The following CHLSN variants were observed in gnomAD, a reference collection of about 807,000 sequenced individuals.
CHLSN encodes the protein cholesin.
At chr7:1,054,625 G>A in the CHLSN span, among the ~76,000 whole-genome samples, 6 of 152,194 alleles carry the variant, frequency 3.9e-5, no homozygotes, top group Non-Finnish European at 8.8e-5. Context: ...TTGGCCTCAC[G>A]GCGGGGCAGG....
chr7:1,023,676 C>CACACACACACACA, the CHLSN span, among the ~76,000 whole-genome samples: 1 of 112,224 alleles, frequency 8.9e-6, no homozygotes, highest in East Asian at 2.0e-4. This position sits in a 1 kb window ranked among gnomAD's most constrained non-coding sequence, Gnocchi z 5.0. Flanking sequence ...CACACACACA[C>CACACACACACACA]ACCAGCAACG....
the CHLSN span, among the ~76,000 whole-genome samples, chr7:1,111,373 G>A: frequency 2.6e-5 from 4 of 152,214 alleles, no homozygotes; most frequent in Non-Finnish European, 1.5e-5. Context: ...GATGGCAAAG[G>A]TTTTCTCAAA....
At chr7:1,069,710 TC>T in the CHLSN span, among the ~76,000 whole-genome samples, 1 of 79,636 alleles carries the variant, frequency 1.3e-5, no homozygotes, top group Non-Finnish European at 2.4e-5. Context: ...AACCTACACC[TC>T]CCAGCCGCCT....
At chr7:1,085,482 A>C in the CHLSN span, among the ~76,000 whole-genome samples, 3 of 152,070 alleles carry the variant, frequency 2.0e-5, no homozygotes, top group Admixed American at 6.5e-5. Flanking sequence ...AGACGGGGAG[A>C]AGGACAGCCC....
the CHLSN span, among the ~76,000 whole-genome samples, chr7:1,123,043 G>A: frequency 2.6e-5 from 4 of 152,192 alleles, no homozygotes; most frequent in South Asian, 2.1e-4. The surrounding 1 kb of genome is among the most constrained non-coding windows in gnomAD (Gnocchi z 4.4). Context: ...AGGGCCCTCC[G>A]GGATGGGGAG....
chr7:984,386 C>A, the CHLSN span: 1 of 1,543,040 alleles, frequency 6.5e-7, no homozygotes, highest in East Asian at 2.4e-5. Flanking sequence ...GAGGGCTGCC[C>A]GGGTGACCCC....
the CHLSN span, chr7:985,267 T>A: frequency 1.3e-6 from 2 of 1,551,846 alleles, no homozygotes; most frequent in South Asian, 2.4e-5. Flanking sequence ...CGTGTTTGTG[T>A]CCCTGCTGGG....
At chr7:1,073,641 T>G in the CHLSN span, among the ~76,000 whole-genome samples, 2 of 151,782 alleles carry the variant, frequency 1.3e-5, no homozygotes, top group Non-Finnish European at 2.9e-5. Context: ...AAGCCGCCAC[T>G]GCCGTGATGC....
the CHLSN span, among the ~76,000 whole-genome samples, chr7:1,070,265 T>C: frequency 1.6e-5 from 2 of 126,666 alleles, no homozygotes; most frequent in African/African-American, 3.2e-5. Flanking sequence ...GTGGGGGGGG[T>C]CAGCCCCCCG....
the CHLSN span, among the ~76,000 whole-genome samples, chr7:1,136,365 T>C: frequency 3.2e-5 from 1 of 31,262 alleles, no homozygotes; most frequent in Non-Finnish European, 5.8e-5. Context: ...TAAACATATA[T>C]ATAAATATAT....
the CHLSN span, among the ~76,000 whole-genome samples, chr7:994,418 C>T: frequency 6.6e-6 from 1 of 152,076 alleles, no homozygotes; most frequent in Non-Finnish European, 1.5e-5. Flanking sequence ...CTTGGCCCCC[C>T]CCAAAGTGTT....
the CHLSN span, among the ~76,000 whole-genome samples, chr7:1,099,490 T>TTG: frequency 2.0e-5 from 3 of 152,288 alleles, no homozygotes; most frequent in African/African-American, 7.2e-5. Context: ...AAGCTTCTAA[T>TTG]TAAAGCTTTC....
At chr7:1,020,089 A>G in the CHLSN span, among the ~76,000 whole-genome samples, 1 of 152,218 alleles carries the variant, frequency 6.6e-6, no homozygotes, top group East Asian at 1.9e-4. Context: ...GGGCCGGCGG[A>G]GTGGTGGTGT....
chr7:1,023,174 G>A, the CHLSN span: 1 of 351,170 alleles, frequency 2.8e-6, no homozygotes, highest in Non-Finnish European at 5.7e-6. This position sits in a 1 kb window ranked among gnomAD's most constrained non-coding sequence, Gnocchi z 5.0. Flanking sequence ...CAGCCACAGG[G>A]AGACACAGAC....
the CHLSN span, among the ~76,000 whole-genome samples, chr7:1,020,945 G>C: frequency 1.3e-5 from 2 of 152,180 alleles, no homozygotes; most frequent in Non-Finnish European, 2.9e-5. Flanking sequence ...GGAGCCTTCA[G>C]ATGGGACCTC....
At chr7:980,712 G>C in the CHLSN span, among the ~76,000 whole-genome samples, 28 of 139,860 alleles carry the variant, frequency 2.0e-4, no homozygotes, top group African/African-American at 6.5e-4. Flanking sequence ...TTTTGAGATG[G>C]AGTCTCACTC....
the CHLSN span, among the ~76,000 whole-genome samples, chr7:1,032,408 G>T: frequency 2.0e-5 from 3 of 152,002 alleles, no homozygotes; most frequent in South Asian, 4.1e-4. Context: ...AGGGCCAGGA[G>T]GCCCTGAGAA....
chr7:1,016,924 A>ACATGCCAGCG, the CHLSN span, among the ~76,000 whole-genome samples: 5 of 95,602 alleles, frequency 5.2e-5, 1 homozygote, highest in Non-Finnish European at 1.1e-4. Flanking sequence ...GCACAGCAGC[A>ACATGCCAGCG]CACAGCAGCA....
chr7:1,078,780 T>C, the CHLSN span, among the ~76,000 whole-genome samples: 2 of 152,200 alleles, frequency 1.3e-5, no homozygotes, highest in East Asian at 3.8e-4. Flanking sequence ...CAGTGCCTGC[T>C]CCAGACAGAG....
Sources: gnomAD v4.1 joint callset for allele counts (sites outside exome capture counted in the v4.1 genomes callset) on GRCh38, gnomAD v4.1.1 for gene constraint, Gnocchi (gnomAD v3.1) non-coding constraint, MANE v1.5 for transcripts, NCBI Gene and HGNC (gene_info 2026-07-23, HGNC 2026-07-21) for gene names.